UNC5D: variants seen among roughly 807,000 people sequenced by gnomAD.
UNC5D encodes unc-5 netrin receptor D.
Under a neutral mutation model 105.4 loss-of-function variants are expected in UNC5D, and 39 were observed. That is an observed-to-expected ratio of 0.37 (90% CI 0.29 to 0.48). UNC5D has a LOEUF of 0.48. Among genes scored for constraint, UNC5D ranks in the 20% least tolerant of loss-of-function variants. UNC5D has a pLI of 0.98. For synonymous variants in UNC5D, 452 were observed against 450.4 expected (o/e 1.00, Z -0.04); for missense variants, 991 against 1,202.4 (o/e 0.82, Z 2.60).
chr8:35,596,341 T>A (rs1279807539), intron 4 of UNC5D, among the ~76,000 whole-genome samples: 1 of 152,180 alleles, frequency 6.6e-6, no homozygotes, highest in Non-Finnish European at 1.5e-5. Flanking sequence ...TCTAAATCTT[T>A]TATTCACAAT....
intron 1 of UNC5D, among the ~76,000 whole-genome samples, chr8:35,491,602 T>C (rs1254267443): frequency 6.7e-6 from 1 of 149,354 alleles, no homozygotes; most frequent in Non-Finnish European, 1.5e-5. Context: ...CTCCAAGGAG[T>C]AGGCAACACT....
At chr8:35,268,771 G>T (rs1325452909) in intron 1 of UNC5D, among the ~76,000 whole-genome samples, 3 of 152,090 alleles carry the variant, frequency 2.0e-5, no homozygotes, top group Non-Finnish European at 2.9e-5. Flanking sequence ...CTATGAAAAT[G>T]ATACTGTTTA....
chr8:35,297,922 G>T (rs954229228), intron 1 of UNC5D, among the ~76,000 whole-genome samples: 4 of 152,054 alleles, frequency 2.6e-5, no homozygotes, highest in African/African-American at 9.7e-5. Flanking sequence ...AGGTTTCTTT[G>T]GTGTCTAGAA....
At chr8:35,601,568 A>G (rs1311393812) in intron 4 of UNC5D, among the ~76,000 whole-genome samples, 2 of 152,212 alleles carry the variant, frequency 1.3e-5, no homozygotes, top group African/African-American at 4.8e-5. Context: ...GCAGTTGTGA[A>G]TGGGAGTTCA....
intron 8 of UNC5D, among the ~76,000 whole-genome samples, chr8:35,710,934 CTTTTTTTTTTT>C (rs775014566): frequency 8.7e-6 from 1 of 114,382 alleles, no homozygotes; most frequent in South Asian, 3.0e-4. Context: ...CAGCATTATT[CTTTTTTTTTTT>C]TTTTTTTTTT....
At chr8:35,244,940 C>G (rs1034293348) in intron 1 of UNC5D, among the ~76,000 whole-genome samples, 1 of 151,944 alleles carries the variant, frequency 6.6e-6, no homozygotes, top group Non-Finnish European at 1.5e-5. Flanking sequence ...TGTGTGAGCC[C>G]AGGAATTTGA....
chr8:35,406,167 A>G (rs914698965), intron 1 of UNC5D, among the ~76,000 whole-genome samples: 4 of 152,124 alleles, frequency 2.6e-5, no homozygotes, highest in African/African-American at 7.2e-5. Context: ...GATCCTTCCA[A>G]TTATAATTAC....
At chr8:35,524,812 T>G (rs1004715668) in intron 1 of UNC5D, among the ~76,000 whole-genome samples, 1 of 147,566 alleles carries the variant, frequency 6.8e-6, no homozygotes, top group Non-Finnish European at 1.5e-5. Context: ...AAGGCAAGTG[T>G]AGCCACTTAT....
At chr8:35,470,256 T>C (rs946678333) in intron 1 of UNC5D, among the ~76,000 whole-genome samples, 1 of 152,114 alleles carries the variant, frequency 6.6e-6, no homozygotes. Context: ...GTTGGGGACA[T>C]TAGAGAAAGA....
At chr8:35,450,100 G>A (rs2128990353) in intron 1 of UNC5D, among the ~76,000 whole-genome samples, 1 of 152,194 alleles carries the variant, frequency 6.6e-6, no homozygotes, top group African/African-American at 2.4e-5. Context: ...TATTATACTA[G>A]GCATCATCCC....
intron 4 of UNC5D, among the ~76,000 whole-genome samples, chr8:35,678,444 CTAAAG>C (rs989466511): frequency 9.2e-5 from 14 of 151,930 alleles, no homozygotes; most frequent in Non-Finnish European, 1.3e-4. Flanking sequence ...TTTTTTTAAG[CTAAAG>C]TAATTTGTTT....
At chr8:35,331,826 T>C (rs1167458542) in intron 1 of UNC5D, among the ~76,000 whole-genome samples, 1 of 152,170 alleles carries the variant, frequency 6.6e-6, no homozygotes, top group Non-Finnish European at 1.5e-5. Context: ...CTTCTGCTTC[T>C]CTCTATGCTG....
At chr8:35,753,804 T>C (rs1830395110) in intron 13 of UNC5D, among the ~76,000 whole-genome samples, 1 of 152,208 alleles carries the variant, frequency 6.6e-6, no homozygotes, top group South Asian at 2.1e-4. Context: ...CTTGAATAAC[T>C]TTTCTGGCCC....
chr8:35,521,968 CA>C (rs1175615705), intron 1 of UNC5D, among the ~76,000 whole-genome samples: 6 of 152,158 alleles, frequency 3.9e-5, no homozygotes, highest in Non-Finnish European at 7.4e-5. Flanking sequence ...GATCAGCTAT[CA>C]GGCTTTATGT....
At chr8:35,617,590 CATGG>C (rs2131011995) in intron 4 of UNC5D, among the ~76,000 whole-genome samples, 1 of 152,308 alleles carries the variant, frequency 6.6e-6, no homozygotes, top group South Asian at 2.1e-4. Flanking sequence ...ACAGTCAGTA[CATGG>C]AGTGAATGAG....
chr8:35,565,630 C>T (rs1242444831), intron 2 of UNC5D, among the ~76,000 whole-genome samples: 1 of 152,128 alleles, frequency 6.6e-6, no homozygotes, highest in Non-Finnish European at 1.5e-5. Context: ...GGTTCTTAGT[C>T]ATAAATTCTT....
At chr8:35,360,320 A>C (rs995900487) in intron 1 of UNC5D, among the ~76,000 whole-genome samples, 1 of 152,216 alleles carries the variant, frequency 6.6e-6, no homozygotes, top group African/African-American at 2.4e-5. Context: ...CCTATAATTC[A>C]TACTAGAAGC....
intron 1 of UNC5D, among the ~76,000 whole-genome samples, chr8:35,352,839 C>T (rs1812335666): frequency 6.6e-6 from 1 of 152,068 alleles, no homozygotes; most frequent in South Asian, 2.1e-4. Flanking sequence ...TCTCAGACTC[C>T]TGATATCAAG....
At chr8:35,782,693 C>T (rs111800887) in intron 16 of UNC5D, among the ~76,000 whole-genome samples, 2,113 of 151,988 alleles carry the variant, frequency 0.014, 36 homozygotes, top group African/African-American at 0.048. Flanking sequence ...TTAGTAGAGA[C>T]GGGATTTCAC....
Sources: gnomAD v4.1 joint callset for allele counts (sites outside exome capture counted in the v4.1 genomes callset) on GRCh38, gnomAD v4.1.1 for gene constraint, MANE v1.5 for transcripts, NCBI Gene and HGNC (gene_info 2026-07-23, HGNC 2026-07-21) for gene names.